TAS2R1: variants seen among roughly 807,000 people sequenced by gnomAD.
TAS2R1 encodes taste 2 receptor member 1.
For synonymous variants in TAS2R1, 141 were observed against 134.2 expected (o/e 1.05, Z -0.35); for missense variants, 370 against 353.4 (o/e 1.05, Z -0.38).
At chr5:9,814,578 C>G in the TAS2R1 span, among the ~76,000 whole-genome samples, 10 of 152,104 alleles carry the variant, frequency 6.6e-5, no homozygotes, top group Admixed American at 3.3e-4. Context: ...CAAATGCAAG[C>G]TGATTGGTCA....
rs1189724016 is a variant in TAS2R1, at chr5:9,628,239, A to AC, written c.*893dup. ...TTTGTGACTTGAAGCAGACGGAGAC[A>AC]CCCCCAGCCCCACCCACCTACTGAT... On this transcript the variant is annotated 3_prime_UTR_variant, in exon 1 of 1. Coordinates refer to ENST00000382492, the MANE Select transcript of TAS2R1 (RefSeq NM_019599.3). Among the ~76,000 whole-genome samples the AC allele has an allele frequency of 6.6e-6, 1 of 151,928 alleles. No individual in the cohort carries two copies. The highest frequency in any genetic ancestry group is 6.6e-5 in the Admixed American group (1 of 15,230).
chr5:9,829,155 T>A, the TAS2R1 span, among the ~76,000 whole-genome samples: 5 of 152,200 alleles, frequency 3.3e-5, no homozygotes, highest in Admixed American at 6.5e-5. Context: ...TATCTACTGC[T>A]AGGGAGAAAA....
chr5:9,694,282 A>G (rs1741313755), intron 1 of TAS2R1, among the ~76,000 whole-genome samples: 1 of 152,224 alleles, frequency 6.6e-6, no homozygotes, highest in Admixed American at 6.5e-5. Flanking sequence ...ATGCATGAAA[A>G]TGTGGAGGAA....
the TAS2R1 span, among the ~76,000 whole-genome samples, chr5:9,758,629 A>C: frequency 6.6e-6 from 1 of 152,252 alleles, no homozygotes; most frequent in African/African-American, 2.4e-5. Context: ...TCCAAGGAGG[A>C]ATAAATTAGT....
chr5:9,660,911 G>C (rs2126495424), intron 1 of TAS2R1, among the ~76,000 whole-genome samples: 1 of 152,268 alleles, frequency 6.6e-6, no homozygotes, highest in South Asian at 2.1e-4. Context: ...GCCTTCACTT[G>C]ACAGCCAGCA....
the TAS2R1 span, among the ~76,000 whole-genome samples, chr5:9,894,873 A>G: frequency 2.6e-5 from 4 of 152,332 alleles, no homozygotes; most frequent in South Asian, 4.1e-4. Flanking sequence ...CCTTATACCA[A>G]CTTCTACCCA....
intron 2 of TAS2R1, among the ~76,000 whole-genome samples, chr5:9,641,123 C>T (rs1018052267): frequency 4.6e-5 from 7 of 152,084 alleles, no homozygotes; most frequent in Non-Finnish European, 8.8e-5. Context: ...TACAGTTTTT[C>T]GGCCCTGACA....
At chr5:9,896,294 T>C in the TAS2R1 span, among the ~76,000 whole-genome samples, 7 of 152,196 alleles carry the variant, frequency 4.6e-5, no homozygotes, top group African/African-American at 1.7e-4. Flanking sequence ...TAAATGTCCA[T>C]ATGGGTAGCA....
chr5:9,768,064 C>T, the TAS2R1 span, among the ~76,000 whole-genome samples: 1 of 152,112 alleles, frequency 6.6e-6, no homozygotes, highest in East Asian at 1.9e-4. Context: ...CCCACCCTAA[C>T]TGCATCTGCT....
the TAS2R1 span, among the ~76,000 whole-genome samples, chr5:9,853,192 G>T: frequency 6.6e-6 from 1 of 152,146 alleles, no homozygotes; most frequent in Admixed American, 6.5e-5. Flanking sequence ...GAAGGTTTTT[G>T]GCTTTTCCCA....
At chr5:9,719,948 A>AAAAG in the TAS2R1 span, among the ~76,000 whole-genome samples, 2 of 146,116 alleles carry the variant, frequency 1.4e-5, 1 homozygote, top group African/African-American at 5.4e-5. Context: ...ACAAAAACAA[A>AAAAG]AACAAACTAC....
At chr5:9,757,310 G>A in the TAS2R1 span, among the ~76,000 whole-genome samples, 1,201 of 152,128 alleles carry the variant, frequency 7.9e-3, 12 homozygotes, top group African/African-American at 0.028. Context: ...ACAAAACAAA[G>A]GCATATGCCC....
At chr5:9,768,807 A>G in the TAS2R1 span, among the ~76,000 whole-genome samples, 4,599 of 152,324 alleles carry the variant, frequency 0.03, 72 homozygotes, top group African/African-American at 0.034. Flanking sequence ...TAATAGGTGT[A>G]TATCTTTATG....
chr5:9,900,231 G>A, the TAS2R1 span, among the ~76,000 whole-genome samples: 1 of 152,174 alleles, frequency 6.6e-6, no homozygotes, highest in Non-Finnish European at 1.5e-5. Context: ...TAATGATAAT[G>A]AGGCCATTTC....
chr5:9,699,682 T>G (rs1741436480), intron 1 of TAS2R1, among the ~76,000 whole-genome samples: 1 of 152,162 alleles, frequency 6.6e-6, no homozygotes. Flanking sequence ...CTCTGGACAG[T>G]CGTGATAGGA....
the TAS2R1 span, among the ~76,000 whole-genome samples, chr5:9,810,255 A>C: frequency 3.3e-5 from 5 of 152,208 alleles, no homozygotes; most frequent in Non-Finnish European, 5.9e-5. Context: ...TGCCAGTGAG[A>C]TATTACTTGA....
chr5:9,678,899 A>C (rs1032435442), intron 1 of TAS2R1, among the ~76,000 whole-genome samples: 2 of 152,206 alleles, frequency 1.3e-5, no homozygotes, highest in African/African-American at 4.8e-5. Context: ...CTATGTAACA[A>C]ACTTGTATAT....
chr5:9,743,795 T>C, the TAS2R1 span, among the ~76,000 whole-genome samples: 1 of 152,168 alleles, frequency 6.6e-6, no homozygotes, highest in East Asian at 1.9e-4. Flanking sequence ...AAGATGTTTC[T>C]GGATGGATGT....
the TAS2R1 span, among the ~76,000 whole-genome samples, chr5:9,746,036 T>C: frequency 6.6e-6 from 1 of 151,974 alleles, no homozygotes; most frequent in Admixed American, 6.6e-5. Context: ...AGGGCTACTA[T>C]CCAGAATCTA....
Sources: allele counts gnomAD v4.1 joint callset (sites outside exome capture counted in the v4.1 genomes callset), GRCh38; gene constraint gnomAD v4.1.1; transcripts MANE v1.5; gene names NCBI Gene and HGNC (gene_info 2026-07-23, HGNC 2026-07-21).